Variants in PSMB9 observed in about 807,000 individuals in gnomAD.
The protein encoded by PSMB9 is proteasome subunit beta type-9.
PSMB9 carries 16 observed loss-of-function variants against 26.9 expected under a neutral mutation model. The ratio of observed to expected loss-of-function variants is 0.59; its 90% CI spans 0.40 to 0.90. The LOEUF (loss-of-function observed/expected upper bound fraction) is 0.90, where lower values mean the gene tolerates loss of function less well. PSMB9 is among the 40% of genes least tolerant of loss of function. The pLI is 0.00. For synonymous variants in PSMB9, 91 were observed against 112.0 expected (o/e 0.81, Z 1.18); for missense variants, 253 against 292.2 (o/e 0.87, Z 0.98).
chr6:32,857,069 G>A, intron 2 of PSMB9, 194 bp from the exon 3 acceptor site: 1 of 472,074 alleles, frequency 2.1e-6, no homozygotes, highest in Non-Finnish European at 3.6e-6. Context: ...GCTTGGTGGT[G>A]GGTGCCTGTA....
intron 1 of PSMB9, 76 bp from the exon 2 acceptor site, chr6:32,856,062 G>A: frequency 7.4e-7 from 1 of 1,360,298 alleles, no homozygotes. Flanking sequence ...GCCTCTCTGG[G>A]AATGTTTCTT....
At chr6:32,857,481 T>TGGGACACTGTTCCA in intron 3 of PSMB9, 87 bp downstream of exon 3, 1 of 1,415,962 alleles carries the variant, frequency 7.1e-7, no homozygotes, top group South Asian at 1.5e-5. Context: ...TTCCAGGAGC[T>TGGGACACTGTTCCA]GGACACTGGG....
rs745724477 is a variant in PSMB9, at chr6:32,859,432, G to A, written c.560G>A (p.Gly187Asp). The A allele has an allele frequency of 6.2e-7, 1 of 1,613,198 alleles. No individual in the cohort carries two copies. Among genetic ancestry groups the A allele is most frequent in the Non-Finnish European group, 8.5e-7 (1 of 1,179,700 alleles). The change falls in exon 6 of 6, where the codon GGC (glycine) becomes GAC (aspartate). Residue 187 changes from glycine to aspartate, a missense_variant. Transcript: ENST00000374859. ...DAIALAMSRD[G>D]SSGGVIYLVT... ...ATTGCTCTGGCCATGAGCCGGGATGGCTCAAGCGGGGGTGTCATCTACCTG... is the reference window on the plus strand; with the variant it reads ...ATTGCTCTGGCCATGAGCCGGGATGACTCAAGCGGGGGTGTCATCTACCTG...
At chr6:32,857,519 G>C in intron 3 of PSMB9, 125 bp downstream of exon 3, 1 of 1,212,062 alleles carries the variant, frequency 8.3e-7, no homozygotes, top group South Asian at 1.8e-5. Context: ...TTCGGCTCTT[G>C]CTGGCACTTG....
chr6:32,858,241 T>C lies in PSMB9; in HGVS notation c.390+107T>C. On this transcript the variant is annotated intron_variant, in intron 4 of 5. Coordinates refer to ENST00000374859, the MANE Select transcript of PSMB9 (RefSeq NM_002800.5). The surrounding 1 kb of genome is among the most constrained non-coding windows in gnomAD (Gnocchi z 5.2). ...CAATGAGTTCCAAGGACACTACCTCTGAAAGCATAGTACTTTGGGGATATG... is the reference window on the plus strand; with the variant it reads ...CAATGAGTTCCAAGGACACTACCTCCGAAAGCATAGTACTTTGGGGATATG... 3.1e-6 allele frequency: 5 copies of C among 1,593,644 alleles called. No individual in the cohort carries two copies. Among genetic ancestry groups the C allele is most frequent in the Non-Finnish European group, 4.3e-6 (5 of 1,167,376 alleles).
At position 32,854,551 on chromosome 6, in the gene PSMB9, C is replaced by G. The variant is rs111240027; in HGVS notation, c.60+262C>G. 8.2e-3 allele frequency among the ~76,000 whole-genome samples: 1,238 copies of G among 151,676 alleles called. 22 individuals are homozygous for G. The highest frequency in any genetic ancestry group is 0.026 in the African/African-American group (1,072 of 41,238). On this transcript the variant is annotated intron_variant, in intron 1 of 5. Coordinates refer to ENST00000374859, the MANE Select transcript of PSMB9 (RefSeq NM_002800.5). The surrounding 1 kb of genome is among the most constrained non-coding windows in gnomAD (Gnocchi z 4.6). ...TTTGACTCTTAGCTGGAAGCGTCAA[C>G]GGGAAGCTACTCTAAAGCGCTTTCG...
At chr6:32,855,648 G>A (rs1046658892) in intron 1 of PSMB9, among the ~76,000 whole-genome samples, 2 of 151,784 alleles carry the variant, frequency 1.3e-5, no homozygotes, top group African/African-American at 4.8e-5. Flanking sequence ...AATTGGAAGA[G>A]CTCACTTCTG....
At position 32,854,266 on chromosome 6, in the gene PSMB9, C is replaced by A. The variant is rs1430199561; in HGVS notation, c.37C>A (p.Arg13=). 6.6e-7 allele frequency: 1 copy of A among 1,523,244 alleles called. No homozygotes were observed. Among genetic ancestry groups the A allele is most frequent in the South Asian group, 1.3e-5 (1 of 79,652 alleles). The allele number at this position is 1,523,244 out of a possible 1,614,324, so 94.4% of individuals were successfully genotyped here. Residue 13 remains arginine, a synonymous_variant, in exon 1 of 6, where the codon CGG becomes AGG. Coordinates refer to ENST00000374859, the MANE Select transcript of PSMB9 (RefSeq NM_002800.5). This position sits in a 1 kb window ranked among gnomAD's most constrained non-coding sequence, Gnocchi z 4.6. ...GGGAGCACCAACCGGGGACTTACCC[C>A]GGGCGGGAGAAGTCCACACCGGGGT... ...RAGAPTGDLP[R]AGEVHTGTTI...
chr6:32,859,207 A>T (rs1246086478), intron 5 of PSMB9, among the ~76,000 whole-genome samples, 198 bp from the exon 6 acceptor site: 1 of 152,232 alleles, frequency 6.6e-6, no homozygotes, highest in Non-Finnish European at 1.5e-5. Context: ...CATTTACACC[A>T]CGGACATCAG....
intron 1 of PSMB9, 77 bp from the exon 2 acceptor site, chr6:32,856,061 G>C (rs1446880462): frequency 3.7e-6 from 5 of 1,351,914 alleles, no homozygotes; most frequent in Non-Finnish European, 1.0e-6. Flanking sequence ...CGCCTCTCTG[G>C]GAATGTTTCT....
At position 32,857,269 on chromosome 6, in the gene PSMB9, G is replaced by A. The variant is rs1364607484; in HGVS notation, c.135G>A (p.Ala45=). 23 of 1,603,196 alleles carry A rather than the reference G, an allele frequency of 1.4e-5. No individual in the cohort carries two copies. Among genetic ancestry groups the A allele is most frequent in the African/African-American group, 6.7e-5 (5 of 74,194 alleles). The change falls in exon 3 of 6, where the codon GCG becomes GCA. Residue 45 remains alanine, a synonymous_variant. Transcript: ENST00000374859. ...GSDSRVSAGE[A]VVNRVFDKLS... ...GTTGACTCCCTCCTGACAGCGAGGC[G>A]GTGGTGAACCGAGTGTTTGACAAGC...
chr6:32,859,795 A>G lies in PSMB9; in HGVS notation c.*263A>G, dbSNP rs1204481320. ...GTACTGAATGATTTTGAAGTAGTAC[A>G]AACAATAAAAATTCTCATTCCGCAT... is the stretch of plus-strand genomic sequence containing the variant. On this transcript the variant is annotated 3_prime_UTR_variant, in exon 6 of 6. Transcript: ENST00000374859. Among the ~76,000 whole-genome samples, 1 of 152,174 alleles carries G rather than the reference A, an allele frequency of 6.6e-6. No homozygotes were observed. The highest frequency in any genetic ancestry group is 1.5e-5 in the Non-Finnish European group (1 of 68,024).
In PSMB9 at chr6:32,859,422, A is replaced by G; in HGVS notation, c.550A>G (p.Ser184Gly). 6.2e-7 allele frequency: 1 copy of G among 1,612,536 alleles called. No homozygotes were observed. The highest frequency in any genetic ancestry group is 8.5e-7 in the Non-Finnish European group (1 of 1,179,466). The change falls in exon 6 of 6, where the codon AGC (serine) becomes GGC (glycine). Residue 184 changes from serine to glycine, a missense_variant. By Grantham distance (56) the Ser-to-Gly change is moderately conservative. Coordinates refer to ENST00000374859, the MANE Select transcript of PSMB9 (RefSeq NM_002800.5). ...CTCTGCAGCTATTGCTCTGGCCATG[A>G]GCCGGGATGGCTCAAGCGGGGGTGT... ...FTTDAIALAM[S>G]RDGSSGGVIY... is the part of the protein sequence containing the mutation.
chr6:32,857,857 C>T, intron 3 of PSMB9, 148 bp from the exon 4 acceptor site: 2 of 858,516 alleles, frequency 2.3e-6, no homozygotes, highest in East Asian at 5.3e-5. Flanking sequence ...GTGTGGGACT[C>T]TGGTTCCCCT....
chr6:32,859,053 A>AG (rs1464389882), intron 5 of PSMB9, among the ~76,000 whole-genome samples: 23 of 104,774 alleles, frequency 2.2e-4, no homozygotes, highest in African/African-American at 4.4e-4. Context: ...CCCTGTCTGG[A>AG]GAAAAAAAAA....
Position 32,856,127 on chromosome 6 carries a change from T to C in PSMB9, c.61-11T>C. On this transcript the variant is annotated splice_polypyrimidine_tract_variant and intron_variant, in intron 1 of 5. Transcript: ENST00000374859. ...TCTTGCCCTGACATTCCATATTCTG[T>C]GTCTCTGCAGACCACCATCATGGCA... 1 of 1,611,534 alleles carries C rather than the reference T, an allele frequency of 6.2e-7. No homozygotes were observed. Among genetic ancestry groups the C allele is most frequent in the Non-Finnish European group, 8.5e-7 (1 of 1,178,710 alleles).
chr6:32,857,096 A>G (rs1359525345), intron 2 of PSMB9, 167 bp from the exon 3 acceptor site: 28 of 594,244 alleles, frequency 4.7e-5, no homozygotes, highest in Non-Finnish European at 2.6e-6. Context: ...GCTATTCGGG[A>G]GGCTGAGGCA....
Position 32,854,393 on chromosome 6 carries a change from G to T in PSMB9, c.60+104G>T. On this transcript the variant is annotated intron_variant, in intron 1 of 5. Transcript: ENST00000374859. The surrounding 1 kb of genome is among the most constrained non-coding windows in gnomAD (Gnocchi z 4.6). ...GAAGTGAATGCAGAGACCAACGGGAGCGCAGGGAGGTCGCCTGTAGCAGCC... is the reference window on the plus strand; with the variant it reads ...GAAGTGAATGCAGAGACCAACGGGATCGCAGGGAGGTCGCCTGTAGCAGCC... 8.8e-7 allele frequency: 1 copy of T among 1,130,398 alleles called. No homozygotes were observed. Among genetic ancestry groups the T allele is most frequent in the East Asian group, 3.0e-5 (1 of 33,706 alleles). 70.0% of individuals were successfully genotyped at this position (1,130,398 alleles called of 1,614,324 possible).
At chr6:32,857,980 C>T (rs771495655) in intron 3 of PSMB9, 25 bp from the exon 4 acceptor site, 30 of 1,612,884 alleles carry the variant, frequency 1.9e-5, no homozygotes, top group Non-Finnish European at 2.3e-5. Context: ...ATTCTATCAA[C>T]CTTTATTCCT....
Sources: allele counts gnomAD v4.1 joint callset (sites outside exome capture counted in the v4.1 genomes callset), GRCh38; gene constraint gnomAD v4.1.1; non-coding constraint Gnocchi (gnomAD v3.1); transcripts MANE v1.5; gene names NCBI Gene and HGNC (gene_info 2026-07-23, HGNC 2026-07-21).